Variants in LOC647264 observed in about 807,000 individuals in gnomAD.
chr13:63,832,948 A>T, the LOC647264 span, among the ~76,000 whole-genome samples: 1 of 152,102 alleles, frequency 6.6e-6, no homozygotes, highest in Non-Finnish European at 1.5e-5. Flanking sequence ...CCACAGCCAT[A>T]GCTGGAGCCA....
At chr13:63,832,825 T>C in the LOC647264 span, among the ~76,000 whole-genome samples, 68 of 141,860 alleles carry the variant, frequency 4.8e-4, no homozygotes, top group Non-Finnish European at 8.7e-4. Context: ...TAGCCACAGC[T>C]GTAGCCAGAG....
At chr13:63,832,477 A>C in the LOC647264 span, among the ~76,000 whole-genome samples, 1 of 57,850 alleles carries the variant, frequency 1.7e-5, no homozygotes, top group Non-Finnish European at 3.2e-5. Context: ...TAACATTTGG[A>C]AAACAGTCAG....
the LOC647264 span, among the ~76,000 whole-genome samples, chr13:63,832,983 T>C: frequency 3.3e-5 from 5 of 152,302 alleles, no homozygotes; most frequent in East Asian, 5.8e-4. Context: ...GCCGTAGTAG[T>C]TGCAACACAT....
chr13:63,832,972 T>G, the LOC647264 span, among the ~76,000 whole-genome samples: 1 of 151,846 alleles, frequency 6.6e-6, no homozygotes, highest in South Asian at 2.1e-4. Context: ...CCACAGGAGT[T>G]GCCGTAGTAG....
chr13:63,832,857 G>C, the LOC647264 span, among the ~76,000 whole-genome samples: 1 of 145,994 alleles, frequency 6.8e-6, no homozygotes, highest in Non-Finnish European at 1.5e-5. Context: ...GCCATAGCTG[G>C]AGCCATAGCC....
At chr13:63,832,977 T>C in the LOC647264 span, among the ~76,000 whole-genome samples, 1 of 151,992 alleles carries the variant, frequency 6.6e-6, no homozygotes, top group Non-Finnish European at 1.5e-5. Flanking sequence ...GGAGTTGCCG[T>C]AGTAGTTGCA....
chr13:63,832,873 C>G, the LOC647264 span, among the ~76,000 whole-genome samples: 2 of 151,986 alleles, frequency 1.3e-5, no homozygotes, highest in African/African-American at 4.8e-5. Flanking sequence ...TAGCCACAGC[C>G]ATAACCAGAG....
At chr13:63,832,880 A>AGAGCCATAGCCACAGCCATAGCTG in the LOC647264 span, among the ~76,000 whole-genome samples, 2 of 150,070 alleles carry the variant, frequency 1.3e-5, no homozygotes, top group Non-Finnish European at 2.9e-5. Flanking sequence ...AGCCATAACC[A>AGAGCCATAGCCACAGCCATAGCTG]GAGCCATAGC....
At chr13:63,832,777 C>T in the LOC647264 span, among the ~76,000 whole-genome samples, 7 of 152,132 alleles carry the variant, frequency 4.6e-5, no homozygotes, top group African/African-American at 1.4e-4. Flanking sequence ...TACCCACAGC[C>T]GTAGCCAGTT....
At chr13:63,832,827 T>G in the LOC647264 span, among the ~76,000 whole-genome samples, 1 of 150,988 alleles carries the variant, frequency 6.6e-6, no homozygotes, top group African/African-American at 2.5e-5. Context: ...GCCACAGCTG[T>G]AGCCAGAGCC....
the LOC647264 span, among the ~76,000 whole-genome samples, chr13:63,832,851 T>C: frequency 6.9e-6 from 1 of 145,290 alleles, no homozygotes; most frequent in Admixed American, 6.7e-5. Context: ...GCCACAGCCA[T>C]AGCTGGAGCC....
At chr13:63,832,374 AT>A in the LOC647264 span, among the ~76,000 whole-genome samples, 328 of 19,438 alleles carry the variant, frequency 0.017, 18 homozygotes, top group African/African-American at 0.091. Context: ...ATAAAGAACC[AT>A]TTTTATTACA....
At chr13:63,832,702 G>A in the LOC647264 span, among the ~76,000 whole-genome samples, 28 of 151,270 alleles carry the variant, frequency 1.9e-4, no homozygotes, top group African/African-American at 6.3e-4. Flanking sequence ...CAAAATGGCC[G>A]GTAGCCACAG....
the LOC647264 span, among the ~76,000 whole-genome samples, chr13:63,832,546 C>T: frequency 1.9e-5 from 2 of 105,082 alleles, no homozygotes; most frequent in Non-Finnish European, 3.8e-5. Context: ...GCTAGAGGTC[C>T]AAGACTCTGT....
chr13:63,832,884 C>T, the LOC647264 span, among the ~76,000 whole-genome samples: 1 of 139,184 alleles, frequency 7.2e-6, no homozygotes, highest in African/African-American at 3.4e-5. Flanking sequence ...ATAACCAGAG[C>T]CATAGCCACA....
chr13:63,832,857 GAGCCATAGCCAC>G, the LOC647264 span, among the ~76,000 whole-genome samples: 1 of 145,994 alleles, frequency 6.8e-6, no homozygotes, highest in Middle Eastern at 3.2e-3. Context: ...GCCATAGCTG[GAGCCATAGCCAC>G]AGCCATAACC....
the LOC647264 span, among the ~76,000 whole-genome samples, chr13:63,832,727 G>A: frequency 1.3e-5 from 2 of 151,840 alleles, no homozygotes; most frequent in East Asian, 1.9e-4. Flanking sequence ...CAGAGCCAGA[G>A]CCACATCCAC....
chr13:63,832,992 A>G, the LOC647264 span, among the ~76,000 whole-genome samples: 2 of 152,250 alleles, frequency 1.3e-5, no homozygotes, highest in Non-Finnish European at 2.9e-5. Flanking sequence ...GTTGCAACAC[A>G]TGTTGTCAAG....
chr13:63,832,904 G>A, the LOC647264 span, among the ~76,000 whole-genome samples: 56 of 22,320 alleles, frequency 2.5e-3, no homozygotes, highest in African/African-American at 5.9e-3. Context: ...AGCCATAGCT[G>A]GAGCCATAGC....
Sources: gnomAD v4.1 joint callset for allele counts (sites outside exome capture counted in the v4.1 genomes callset) on GRCh38, gnomAD v4.1.1 for gene constraint, MANE v1.5 for transcripts.